Variants in TJP2 observed in about 807,000 individuals in gnomAD.
The protein encoded by TJP2 is tight junction protein 2.
TJP2 carries 91 observed loss-of-function variants against 133.1 expected under a neutral mutation model. The observed-to-expected ratio is 0.68, with a 90% CI of 0.58 to 0.81. The LOEUF is 0.81. TJP2 is among the 40% of genes least tolerant of loss of function. The pLI is 0.00. For synonymous variants in TJP2, 592 were observed against 583.4 expected, an observed-to-expected ratio of 1.01 and a Z score of -0.21; for missense variants, 1,541 against 1,565.6, an observed-to-expected ratio of 0.98 and a Z score of 0.26.
upstream of TJP2, chr9:69,121,283 G>A: frequency 1.0e-6 from 1 of 985,110 alleles, no homozygotes; most frequent in South Asian, 4.7e-5. Context: ...CGCCTTTCCC[G>A]ACACCCCAAA....
At chr9:69,190,636 A>G (rs1345603511) in intron 1 of TJP2, among the ~76,000 whole-genome samples, 1 of 152,238 alleles carries the variant, frequency 6.6e-6, no homozygotes, top group Non-Finnish European at 1.5e-5. Flanking sequence ...ATAGAAATGA[A>G]AAATGAGGCA....
At position 69,237,898 on chromosome 9, in the gene TJP2, G is replaced by T; in HGVS notation, c.2200G>T (p.Val734Phe). The change falls in exon 15 of 23, where the codon GTC (valine) becomes TTC (phenylalanine). Residue 734 changes from valine to phenylalanine, a missense_variant. Physicochemically the swap from Val to Phe is conservative, Grantham distance 50. Coordinates refer to ENST00000377245, the MANE Select transcript of TJP2 (RefSeq NM_004817.4). ...TTCAGCTGGTTTCAAGAGACCTGTG[G>T]TCTTATTCGGCCCCATAGCTGATAT... ...LREAGFKRPV[V>F]LFGPIADIAM... The T allele has an allele frequency of 2.5e-6, 4 of 1,613,788 alleles. No individual in the cohort carries two copies. Among genetic ancestry groups the T allele is most frequent in the Non-Finnish European group, 3.4e-6 (4 of 1,179,808 alleles).
At chr9:69,205,290 G>A in intron 1 of TJP2, 3 of 1,537,034 alleles carry the variant, frequency 2.0e-6, no homozygotes, top group Non-Finnish European at 2.6e-6. Context: ...CATGGGAAGG[G>A]GAGGGAAGCA....
Position 69,229,269 on chromosome 9 carries a change from C to T in TJP2, c.1520+19C>T. 1 of 1,609,270 alleles carries T rather than the reference C, an allele frequency of 6.2e-7. No homozygotes were observed. The highest frequency in any genetic ancestry group is 8.5e-7 in the Non-Finnish European group (1 of 1,175,616). The stretch of plus-strand genomic sequence containing the variant: ...TATATGGGTATGTATTTCCGTCTCT[C>T]TTTGTTTTCCCTTCTTCCTTACAGC... On this transcript the variant is annotated intron_variant, in intron 10 of 22. Transcript: ENST00000377245.
At chr9:69,218,525 T>C (rs568844246) in intron 4 of TJP2, 166 bp downstream of exon 4, 17 of 674,830 alleles carry the variant, frequency 2.5e-5, no homozygotes, top group African/African-American at 1.1e-4. Flanking sequence ...GTGTAAGTTA[T>C]CTTCCTACTT....
At chr9:69,201,177 G>T (rs1826962176) in intron 1 of TJP2, among the ~76,000 whole-genome samples, 1 of 152,156 alleles carries the variant, frequency 6.6e-6, no homozygotes, top group Admixed American at 6.5e-5. Flanking sequence ...CAGGTGCATG[G>T]TTGCTTTTGG....
chr9:69,248,969 C>CAAAAAAAAAAAAAAAA (rs1831128305), intron 19 of TJP2: 1 of 725,418 alleles, frequency 1.4e-6, no homozygotes. Context: ...AATAGAACTA[C>CAAAAAAAAAAAAAAAA]CAAAAAAAAA....
intron 4 of TJP2, among the ~76,000 whole-genome samples, chr9:69,219,212 G>T (rs1296633631): frequency 6.6e-6 from 1 of 152,100 alleles, no homozygotes. Context: ...CAGGTGATCC[G>T]CCAGCCTTGG....
chr9:69,232,595 G>A (rs1235037246), intron 11 of TJP2, among the ~76,000 whole-genome samples: 2 of 152,176 alleles, frequency 1.3e-5, no homozygotes, highest in Admixed American at 6.5e-5. Context: ...GTTTTTAAGT[G>A]TGGCTCTTTG....
rs774026151 is a variant in TJP2, at chr9:69,249,404, A to G, written c.2910A>G (p.Arg970=). ...TAAGGAAACCCAGCCCAGAGCCACG[A>G]GCTCAGATGAGGAGGGCTGCTAGCA... ...ESIRKPSPEP[R]AQMRRAASSD... is the part of the protein sequence containing the mutation. The change falls in exon 20 of 23, where the codon CGA becomes CGG. Residue 970 remains arginine (R), a synonymous_variant. Coordinates refer to ENST00000377245, the MANE Select transcript of TJP2 (RefSeq NM_004817.4). 9 of 1,611,680 alleles carry G rather than the reference A, an allele frequency of 5.6e-6. No individual in the cohort carries two copies. Among genetic ancestry groups the G allele is most frequent in the Non-Finnish European group, 7.6e-6 (9 of 1,178,784 alleles).
At chr9:69,174,177 C>T, upstream of TJP2, 4 of 1,304,406 alleles carry the variant, frequency 3.1e-6, no homozygotes, top group Non-Finnish European at 3.9e-6. Flanking sequence ...GGAGGCGCCA[C>T]GCTCGGGTCG....
At chr9:69,237,812 C>T (rs1830301723) in intron 14 of TJP2, 66 bp from the exon 15 acceptor site, 4 of 1,171,124 alleles carry the variant, frequency 3.4e-6, no homozygotes, top group Admixed American at 3.4e-5. Flanking sequence ...CCATACAATA[C>T]TTTTACTGCT....
chr9:69,158,833 G>T (rs867854083), intron 2 of TJP2, among the ~76,000 whole-genome samples: 1 of 152,028 alleles, frequency 6.6e-6, no homozygotes, highest in Non-Finnish European at 1.5e-5. Context: ...GGAATGGGGG[G>T]GTTCTTCACT....
At chr9:69,161,490 G>A (rs963536949) in intron 2 of TJP2, among the ~76,000 whole-genome samples, 1 of 152,068 alleles carries the variant, frequency 6.6e-6, no homozygotes, top group South Asian at 2.1e-4. Flanking sequence ...GCCTCCCAAA[G>A]TGCTGGGATT....
chr9:69,158,223 G>A (rs1823873500), intron 2 of TJP2, among the ~76,000 whole-genome samples: 1 of 150,542 alleles, frequency 6.6e-6, no homozygotes, highest in East Asian at 2.0e-4. Flanking sequence ...AGCTACTCGG[G>A]AGGTTGAGGC....
At chr9:69,133,949 A>G (rs1307380977) in intron 1 of TJP2, among the ~76,000 whole-genome samples, 1 of 99,764 alleles carries the variant, frequency 1.0e-5, no homozygotes, top group Non-Finnish European at 2.1e-5. Context: ...TTAAGACCCA[A>G]CTCAAGTACT....
At position 69,252,796 on chromosome 9, in the gene TJP2, T is replaced by C; in HGVS notation, c.3322-19T>C. 6.2e-7 allele frequency: 1 copy of C among 1,613,186 alleles called. No homozygotes were observed. The highest frequency in any genetic ancestry group is 1.1e-5 in the South Asian group (1 of 91,036). On this transcript the variant is annotated intron_variant, in intron 21 of 22. Transcript: ENST00000377245. Reference sequence around the variant, plus strand: ...GTTCATTCTTTCACTCTTATTCTTTTCTTTTTTAATTACCACAGATCGAAA... The same window carrying C: ...GTTCATTCTTTCACTCTTATTCTTTCCTTTTTTAATTACCACAGATCGAAA...
Position 69,225,380 on chromosome 9 carries a change from C to G in TJP2, c.1029C>G (p.Asn343Lys). The G allele has an allele frequency of 5.0e-6, 8 of 1,613,616 alleles. No individual in the cohort carries two copies. Among genetic ancestry groups the G allele is most frequent in the Non-Finnish European group, 6.8e-6 (8 of 1,179,714 alleles). ...CGGGTCTGGCAACTAAAGATGGCAA[C>G]CTTCACGAAGGAGACATAATTCTCA... is the stretch of plus-strand genomic sequence containing the variant. ...TRTGLATKDGNLHEGDIILKI... is the reference protein window; with the variant it reads ...TRTGLATKDGKLHEGDIILKI... The change falls in exon 6 of 23, where the codon AAC becomes AAG. Residue 343 changes from asparagine (N) to lysine (K), a missense_variant. Asn to Lys is a moderately conservative substitution (Grantham distance 94). Transcript: ENST00000377245.
Position 69,127,485 on chromosome 9 carries a change from T to A in TJP2, c.-131+5760T>A, listed in dbSNP as rs551239532. 5.3e-5 allele frequency among the ~76,000 whole-genome samples: 4 copies of A among 74,884 alleles called. 2 individuals are homozygous for A. The East Asian group carries it at 1.6e-3, about 30-fold the overall frequency. The allele number at this position is 74,884 out of a possible 152,430, so 49.1% of individuals were successfully genotyped here. A position where few individuals can be genotyped will look rare whatever the true frequency, so the allele number is the denominator to read the frequency against. On this transcript the variant is annotated intron_variant, in intron 1 of 5. Coordinates refer to the TJP2 transcript ENST00000423935. Reference sequence around the variant, plus strand: ...TGGGGGATCACTTGAGCCCAAGAGATCGGGGCTTCGCCAAGCTATGATCAT... The same window carrying A: ...TGGGGGATCACTTGAGCCCAAGAGAACGGGGCTTCGCCAAGCTATGATCAT...
Sources: allele counts gnomAD v4.1 joint callset (sites outside exome capture counted in the v4.1 genomes callset), GRCh38; gene constraint gnomAD v4.1.1; transcripts MANE v1.5; gene names NCBI Gene and HGNC (gene_info 2026-07-23, HGNC 2026-07-21).